AMACR: variants seen among roughly 807,000 people sequenced by gnomAD.
The protein encoded by AMACR is alpha-methylacyl-CoA racemase, also known as 2-methylacyl-CoA racemase.
In AMACR, 18 loss-of-function variants were observed where a neutral mutation model predicts 22.2. That is an observed-to-expected ratio of 0.81 (90% confidence interval 0.56 to 1.20). AMACR has a LOEUF of 1.20. AMACR is among the 50% of genes most tolerant of loss of function. The pLI is 0.00. For synonymous variants in AMACR, 213 were observed against 191.3 expected, an observed-to-expected ratio of 1.11 and a Z score of -0.94; for missense variants, 499 against 490.6, an observed-to-expected ratio of 1.02 and a Z score of -0.16.
intron 4 of AMACR, chr5:33,997,759 A>C: frequency 1.9e-6 from 1 of 532,366 alleles, no homozygotes; most frequent in Admixed American, 3.7e-5. Flanking sequence ...TGAATAGGTG[A>C]AGTTAATATG....
At chr5:34,006,830 T>C (rs1314846644) in intron 1 of AMACR, among the ~76,000 whole-genome samples, 1 of 152,262 alleles carries the variant, frequency 6.6e-6, no homozygotes, top group Non-Finnish European at 1.5e-5. Context: ...TTTCCCACTA[T>C]AGACCAGGCA....
Position 33,988,069 on chromosome 5 carries a change from A to C in AMACR, c.*1024T>G. 1 of 389,958 alleles carries C rather than the reference A, an allele frequency of 2.6e-6. No homozygotes were observed. The highest frequency in any genetic ancestry group is 4.6e-6 in the Non-Finnish European group (1 of 216,780). The allele number at this position is 389,958 out of a possible 1,614,324, so 24.2% of individuals were successfully genotyped here. A position where few individuals can be genotyped will look rare whatever the true frequency, so the allele number is the denominator to read the frequency against. Reference sequence around the variant, plus strand: ...ATACTGCGCAGAATGGACCTTATTGATGGCCTACCCAACATCCATTCTCTA... The same window carrying C: ...ATACTGCGCAGAATGGACCTTATTGCTGGCCTACCCAACATCCATTCTCTA... On this transcript the variant is annotated 3_prime_UTR_variant, in exon 5 of 5. Coordinates refer to ENST00000335606, the MANE Select transcript of AMACR (RefSeq NM_014324.6).
intron 3 of AMACR, among the ~76,000 whole-genome samples, chr5:34,000,236 C>T (rs1017140202): frequency 2.0e-5 from 3 of 152,170 alleles, no homozygotes; most frequent in Non-Finnish European, 4.4e-5. Flanking sequence ...GCCTGCTTTC[C>T]GCTCAAGCTT....
rs760206516 is a variant in AMACR at position 33,989,456 on chromosome 5, A to T, written c.786T>A (p.Asp262Glu). The stretch of plus-strand genomic sequence containing the variant: ...ACTTCTTCTTCATTTCTGGCCAATC[A>T]TCCATGCTCATCTGATTGGGAAGTT... ...SDELPNQMSM[D>E]DWPEMKKKFA... The change falls in exon 5 of 5, where the codon GAT becomes GAA. Residue 262 changes from aspartate (D) to glutamate (E), a missense_variant. Transcript: ENST00000335606. The T allele has an allele frequency of 6.2e-7, 1 of 1,614,168 alleles. No homozygotes were observed. Among genetic ancestry groups the T allele is most frequent in the Non-Finnish European group, 8.5e-7 (1 of 1,180,026 alleles).
rs367814719 is a variant in AMACR at position 33,998,814 on chromosome 5, G to T, written c.566C>A (p.Ala189Glu). Residue 189 changes from alanine to glutamate, a missense_variant, in exon 4 of 5, where the codon GCA becomes GAA. Physicochemically the swap from Ala to Glu is moderately radical, Grantham distance 107. Coordinates refer to ENST00000335606, the MANE Select transcript of AMACR (RefSeq NM_014324.6). ...VIDANMVEGT[A>E]YLSSFLWKTQ... ...TTTCCACAGAAAAGAACTTAAATAT[G>T]CTGTTCCTTCCACCTTTGAGAAAAC... 8.5e-5 allele frequency: 137 copies of T among 1,613,906 alleles called. No individual in the cohort carries two copies. Among genetic ancestry groups the T allele is most frequent in the Non-Finnish European group, 1.1e-4 (132 of 1,179,948 alleles).
Position 33,988,910 on chromosome 5 carries a change from C to A in AMACR, c.*183G>T. 7.0e-7 allele frequency: 1 copy of A among 1,426,990 alleles called. No individual in the cohort carries two copies. Among genetic ancestry groups the A allele is most frequent in the Non-Finnish European group, 9.1e-7 (1 of 1,096,496 alleles). The allele number at this position is 1,426,990 out of a possible 1,614,324, so 88.4% of individuals were successfully genotyped here. On this transcript the variant is annotated 3_prime_UTR_variant, in exon 5 of 5. Transcript: ENST00000335606. ...ACCCAAAGTTTTATAAATCAAAAGC[C>A]CTAATGATAACCATTTTTAGAATTC...
chr5:33,989,796 T>G (rs954545312), intron 4 of AMACR, among the ~76,000 whole-genome samples: 1 of 152,124 alleles, frequency 6.6e-6, no homozygotes, highest in East Asian at 1.9e-4. Context: ...TGAGTAGATT[T>G]TGAAAAAAAA....
In AMACR at chr5:33,986,735, CTA is replaced by C. The variant is rs1753306307; in HGVS notation, c.*2356_*2357del. ...CTCCCTGAGGTATTACTGCCAGTGT[CTA>C]TGTCTCCAAGGTGGGTGCAGCAACT... On this transcript the variant is annotated 3_prime_UTR_variant, in exon 5 of 5. Coordinates refer to ENST00000335606, the MANE Select transcript of AMACR (RefSeq NM_014324.6). 1 of 152,202 alleles carries C rather than the reference CTA, an allele frequency of 6.6e-6. No individual in the cohort carries two copies. The highest frequency in any genetic ancestry group is 2.4e-5 in the African/African-American group (1 of 41,436). 9.4% of individuals were successfully genotyped at this position (152,202 alleles called of 1,614,324 possible).
Position 33,998,736 on chromosome 5 carries a change from C to CG in AMACR, c.643_644insC (p.Gly215AlafsTer39). On this transcript the variant is annotated frameshift_variant, in exon 4 of 5. Transcript: ENST00000335606. LOFTEE classifies it high-confidence loss of function. ...GTAAGTCGTATAGAAAGGTGCTCCA[C>CG]CATCCAACATGTTCTGTCCTCGAGG... 1 of 1,614,104 alleles carries CG rather than the reference C, an allele frequency of 6.2e-7. No individual in the cohort carries two copies. The highest frequency in any genetic ancestry group is 8.5e-7 in the Non-Finnish European group (1 of 1,180,000).
chr5:33,992,416 A>AATT, intron 4 of AMACR, among the ~76,000 whole-genome samples: 1 of 150,836 alleles, frequency 6.6e-6, no homozygotes, highest in African/African-American at 2.4e-5. Flanking sequence ...ATTGTAAAAC[A>AATT]GAAAATAATT....
At chr5:33,992,876 T>A (rs549586317) in intron 4 of AMACR, among the ~76,000 whole-genome samples, 1 of 152,326 alleles carries the variant, frequency 6.6e-6, no homozygotes, top group South Asian at 2.1e-4. Context: ...CATATAATTT[T>A]AAATTGTTAT....
intron 1 of AMACR, 23 bp from the exon 2 acceptor site, chr5:34,005,922 T>C (rs113272503): frequency 6.2e-7 from 1 of 1,613,856 alleles, no homozygotes; most frequent in Non-Finnish European, 8.5e-7. Context: ...GTAACGATCT[T>C]CTTAAGAGAG....
At chr5:33,994,206 G>A (rs1005915725) in intron 4 of AMACR, 4 of 363,420 alleles carry the variant, frequency 1.1e-5, no homozygotes, top group African/African-American at 4.2e-5. Flanking sequence ...TTGAGACAGA[G>A]TCTCGCTCTG....
intron 2 of AMACR, among the ~76,000 whole-genome samples, chr5:34,005,328 A>G (rs1294994957): frequency 1.3e-5 from 2 of 152,290 alleles, no homozygotes; most frequent in African/African-American, 4.8e-5. Flanking sequence ...GTGCTCATAG[A>G]AGTCTGAAAC....
intron 4 of AMACR, chr5:33,994,152 T>C (rs754082495): frequency 1.6e-5 from 7 of 438,530 alleles, no homozygotes; most frequent in Admixed American, 7.6e-5. Context: ...ATTAGATATG[T>C]AATTAGTACT....
chr5:34,007,779 G>T lies in AMACR; in HGVS notation c.241C>A (p.Arg81Ser). 1.3e-6 allele frequency: 2 copies of T among 1,556,776 alleles called. No individual in the cohort carries two copies. Among genetic ancestry groups the T allele is most frequent in the Non-Finnish European group, 1.7e-6 (2 of 1,157,328 alleles). The part of the protein sequence containing the change: ...KRSDVLLEPF[R>S]RGVMEKLQLG... ...CCGCGGGGCCCGGGCTCACCGCGGC[G>T]GAAGGGCTCCAGCAGCACATCCGAC... The change falls in exon 1 of 5, where the codon CGC becomes AGC. Residue 81 changes from arginine to serine, a missense_variant. Arg to Ser is a moderately radical substitution (Grantham distance 110). Coordinates refer to ENST00000335606, the MANE Select transcript of AMACR (RefSeq NM_014324.6).
chr5:34,006,830 T>A (rs1314846644), intron 1 of AMACR, among the ~76,000 whole-genome samples: 1 of 152,262 alleles, frequency 6.6e-6, no homozygotes, highest in African/African-American at 2.4e-5. Flanking sequence ...TTTCCCACTA[T>A]AGACCAGGCA....
chr5:34,007,983 C>G lies in AMACR; in HGVS notation c.37G>C (p.Gly13Arg), dbSNP rs534080503. 2.2e-5 allele frequency: 36 copies of G among 1,611,546 alleles called. No individual in the cohort carries two copies. The highest frequency in any genetic ancestry group is 1.4e-5 in the Non-Finnish European group (16 of 1,179,776). The part of the protein sequence containing the change: ...LQGISVVELS[G>R]LAPGPFCAMV... ...GCACAGAACGGGCCCGGGGCCAGGC[C>G]GGACAGCTCCACGACCGAGATGCCC... Residue 13 changes from glycine (G) to arginine (R), a missense_variant, in exon 1 of 5, where the codon GGC becomes CGC. Gly to Arg is a moderately radical substitution (Grantham distance 125). Coordinates refer to ENST00000335606, the MANE Select transcript of AMACR (RefSeq NM_014324.6).
At chr5:33,993,209 G>A (rs1042353769) in intron 4 of AMACR, among the ~76,000 whole-genome samples, 1 of 152,056 alleles carries the variant, frequency 6.6e-6, no homozygotes, top group African/African-American at 2.4e-5. Context: ...ATTTCACTCA[G>A]CATAATGTCT....
Sources: gnomAD v4.1 joint callset for allele counts (sites outside exome capture counted in the v4.1 genomes callset) on GRCh38, gnomAD v4.1.1 for gene constraint, MANE v1.5 for transcripts, NCBI Gene and HGNC (gene_info 2026-07-23, HGNC 2026-07-21) for gene names.